PLCB1: variants seen among roughly 807,000 people sequenced by gnomAD.
The protein encoded by PLCB1 is 1-phosphatidylinositol 4,5-bisphosphate phosphodiesterase beta-1.
PLCB1 carries 46 observed loss-of-function variants against 161.8 expected under a neutral mutation model. The observed-to-expected ratio is 0.28, with a 90% confidence interval of 0.22 to 0.36. The LOEUF (loss-of-function observed/expected upper bound fraction) is 0.36, where lower values mean the gene tolerates loss of function less well. PLCB1 is among the 10% of genes least tolerant of loss of function. The pLI is 1.00. For missense variants in PLCB1, 1,016 were observed against 1,472.5 expected (o/e 0.69, Z 5.07); for synonymous variants, 517 against 503.7 (o/e 1.03, Z -0.35).
chr20:8,171,967 C>T (rs968220039), intron 2 of PLCB1, among the ~76,000 whole-genome samples: 7 of 152,098 alleles, frequency 4.6e-5, no homozygotes, highest in African/African-American at 1.7e-4. Flanking sequence ...ACTGTCCCGT[C>T]TGTTGTTGCG....
intron 3 of PLCB1, among the ~76,000 whole-genome samples, chr20:8,473,106 A>C (rs1418292295): frequency 6.6e-6 from 1 of 152,200 alleles, no homozygotes; most frequent in Non-Finnish European, 1.5e-5. Flanking sequence ...GCTAGAAGTC[A>C]GTCATATCAC....
intron 3 of PLCB1, among the ~76,000 whole-genome samples, chr20:8,483,913 A>T (rs1268499445): frequency 6.6e-6 from 1 of 152,242 alleles, no homozygotes; most frequent in Non-Finnish European, 1.5e-5. Context: ...AAAATTAAGA[A>T]CAAGGAAAAC....
intron 2 of PLCB1, among the ~76,000 whole-genome samples, chr20:8,156,393 A>C (rs2051563177): frequency 6.6e-6 from 1 of 151,568 alleles, no homozygotes; most frequent in Admixed American, 6.6e-5. Context: ...TCACTTCTCC[A>C]CTCCTGATTG....
chr20:8,271,628 G>A (rs1982287413), intron 2 of PLCB1, among the ~76,000 whole-genome samples: 2 of 152,190 alleles, frequency 1.3e-5, no homozygotes, highest in Non-Finnish European at 2.9e-5. Flanking sequence ...AAGAGAGCTT[G>A]ATTTATAAAA....
At chr20:8,810,694 T>C (rs1448432682) in intron 31 of PLCB1, among the ~76,000 whole-genome samples, 1 of 152,176 alleles carries the variant, frequency 6.6e-6, no homozygotes, top group African/African-American at 2.4e-5. Flanking sequence ...CCGGGCATGG[T>C]GGCTCATGCT....
rs766705237 is a variant in PLCB1, at chr20:8,150,282, T to C, written c.100-12T>C. ...TATATGTTGATATTCATGTTTCTTC[T>C]TACATTTCTAGGACTCAACTATTGT... On this transcript the variant is annotated splice_polypyrimidine_tract_variant and intron_variant, in intron 1 of 31. Coordinates refer to ENST00000338037, the MANE Select transcript of PLCB1 (RefSeq NM_015192.4). The C allele has an allele frequency of 1.1e-5, 14 of 1,291,670 alleles. No individual in the cohort carries two copies. The highest frequency in any genetic ancestry group is 1.3e-5 in the Non-Finnish European group (12 of 908,020). 80.0% of individuals were successfully genotyped at this position (1,291,670 alleles called of 1,614,324 possible).
At chr20:8,362,948 A>G (rs1416381642) in intron 2 of PLCB1, among the ~76,000 whole-genome samples, 2 of 152,132 alleles carry the variant, frequency 1.3e-5, no homozygotes, top group Non-Finnish European at 2.9e-5. Flanking sequence ...CTGGGCAATT[A>G]ACATATTTTC....
chr20:8,132,635 A>G lies in PLCB1; in HGVS notation c.-17A>G, dbSNP rs577607167. The G allele has an allele frequency of 2.9e-5, 46 of 1,586,660 alleles. 2 individuals carry two copies. In the South Asian group the frequency reaches 4.7e-4, roughly 16 times the overall value. On this transcript the variant is annotated 5_prime_UTR_variant, in exon 1 of 32. Transcript: ENST00000338037. This position sits in a 1 kb window ranked among gnomAD's most constrained non-coding sequence, Gnocchi z 5.2. The stretch of plus-strand genomic sequence containing the variant: ...TGCCGCGCTCGCCCGGGCCGCCCGG[A>G]GCCCAGATGAGCCCAGATGGCCGGG...
intron 9 of PLCB1, among the ~76,000 whole-genome samples, chr20:8,672,478 A>G (rs1221712857): frequency 6.8e-6 from 1 of 146,428 alleles, no homozygotes; most frequent in Non-Finnish European, 1.5e-5. Context: ...TTCCTTTAGC[A>G]CTTGGCTACT....
intron 2 of PLCB1, among the ~76,000 whole-genome samples, chr20:8,229,044 C>T (rs117111926): frequency 9.2e-5 from 14 of 152,172 alleles, no homozygotes; most frequent in Admixed American, 5.2e-4. Flanking sequence ...GCACCCTCCC[C>T]GCTACTCTTC....
chr20:8,850,015 A>C (rs1482750791), intron 31 of PLCB1, among the ~76,000 whole-genome samples: 3 of 152,234 alleles, frequency 2.0e-5, no homozygotes, highest in Admixed American at 6.5e-5. Flanking sequence ...CCGTCTAAAA[A>C]TAAAAAAAAG....
intron 2 of PLCB1, among the ~76,000 whole-genome samples, chr20:8,249,996 T>TC (rs1189510942): frequency 2.0e-5 from 3 of 152,066 alleles, no homozygotes; most frequent in African/African-American, 7.2e-5. Context: ...AGATTTACTG[T>TC]CATTGTTTTA....
At chr20:8,417,046 C>CATATATAT (rs1568667895) in intron 3 of PLCB1, among the ~76,000 whole-genome samples, 1 of 55,210 alleles carries the variant, frequency 1.8e-5, no homozygotes, top group African/African-American at 7.0e-5. Flanking sequence ...CACACACACA[C>CATATATAT]ACACACACAT....
At chr20:8,744,148 C>G (rs950268402) in intron 23 of PLCB1, among the ~76,000 whole-genome samples, 18 of 151,648 alleles carry the variant, frequency 1.2e-4, no homozygotes, top group African/African-American at 3.9e-4. Flanking sequence ...CTCATGTGTA[C>G]CCCTGAACCT....
At chr20:8,747,739 C>T (rs769782315) in intron 23 of PLCB1, among the ~76,000 whole-genome samples, 9 of 151,308 alleles carry the variant, frequency 5.9e-5, no homozygotes, top group Non-Finnish European at 1.3e-4. Flanking sequence ...ACTACTGCAC[C>T]CTAGCCTGGG....
At chr20:8,492,454 A>G (rs866176295) in intron 3 of PLCB1, among the ~76,000 whole-genome samples, 2 of 152,012 alleles carry the variant, frequency 1.3e-5, no homozygotes, top group African/African-American at 4.8e-5. Flanking sequence ...GTTTGGTATA[A>G]TTAAGTGCTT....
intron 31 of PLCB1, among the ~76,000 whole-genome samples, chr20:8,806,102 C>T (rs1984526174): frequency 6.6e-6 from 1 of 152,138 alleles, no homozygotes; most frequent in African/African-American, 2.4e-5. Flanking sequence ...GTTCACATTG[C>T]TCAAAGTCAC....
At chr20:8,728,941 A>G in intron 17 of PLCB1, 109 bp from the exon 18 acceptor site, 1 of 654,882 alleles carries the variant, frequency 1.5e-6, no homozygotes, top group Admixed American at 3.3e-5. Flanking sequence ...CGAGATCATC[A>G]ATATTTACTT....
chr20:8,212,982 C>T (rs1978915136), intron 2 of PLCB1, among the ~76,000 whole-genome samples: 1 of 151,904 alleles, frequency 6.6e-6, no homozygotes, highest in African/African-American at 2.4e-5. Context: ...TTCCTGAGTT[C>T]TCTTCCTCCA....
Sources: allele counts gnomAD v4.1 joint callset (sites outside exome capture counted in the v4.1 genomes callset), GRCh38; gene constraint gnomAD v4.1.1; non-coding constraint Gnocchi (gnomAD v3.1); transcripts MANE v1.5; gene names NCBI Gene and HGNC (gene_info 2026-07-23, HGNC 2026-07-21).